The following FRYL variants were observed in gnomAD, a reference collection of about 807,000 sequenced individuals.
FRYL encodes protein furry homolog-like.
In FRYL, 150 loss-of-function variants were observed where a neutral mutation model predicts 351.2. The ratio of observed to expected loss-of-function variants is 0.43; its 90% CI spans 0.37 to 0.49. The LOEUF (loss-of-function observed/expected upper bound fraction) is 0.49, where lower values mean the gene tolerates loss of function less well. Among genes scored for constraint, FRYL ranks in the 20% least tolerant of loss-of-function variants. The probability of loss-of-function intolerance (pLI) is 0.00; values close to 1 mark genes in which losing one functional copy is unlikely to be tolerated. For synonymous variants in FRYL, 1,153 were observed against 1,257.1 expected, an observed-to-expected ratio of 0.92 and a Z score of 1.75; for missense variants, 3,036 against 3,619.3, an observed-to-expected ratio of 0.84 and a Z score of 4.13.
At chr4:48,649,900 T>C (rs1358488573) in intron 3 of FRYL, among the ~76,000 whole-genome samples, 1 of 152,208 alleles carries the variant, frequency 6.6e-6, no homozygotes, top group East Asian at 1.9e-4. Context: ...AGAAACACTA[T>C]TATAATTAAT....
intron 23 of FRYL, 109 bp downstream of exon 23, chr4:48,578,864 T>C: frequency 1.1e-6 from 1 of 890,440 alleles, no homozygotes; most frequent in African/African-American, 1.7e-5. Context: ...CAGTATCACA[T>C]ATTATTTATG....
chr4:48,634,416 TA>T lies in FRYL; in HGVS notation c.-7del. The T allele has an allele frequency of 6.2e-7, 1 of 1,612,692 alleles. No individual in the cohort carries two copies. Among genetic ancestry groups the T allele is most frequent in the Non-Finnish European group, 8.5e-7 (1 of 1,178,842 alleles). On this transcript the variant is annotated 5_prime_UTR_variant, in exon 4 of 64. Coordinates refer to ENST00000358350, the MANE Select transcript of FRYL (RefSeq NM_015030.2). ...TCAATCGTAATGTTTGACATGATGATATTTTTTTTTCCCCAAGTGGAATGAA... is the reference window on the plus strand; with the variant it reads ...TCAATCGTAATGTTTGACATGATGATTTTTTTTTTCCCCAAGTGGAATGAA...
intron 1 of FRYL, 86 bp downstream of exon 1, chr4:48,779,992 G>A (rs1455074372): frequency 6.6e-6 from 1 of 152,098 alleles, no homozygotes; most frequent in Non-Finnish European, 1.5e-5. Context: ...CGCCCAGGCT[G>A]GGCTGCCGGC....
intron 23 of FRYL, 36 bp from the exon 24 acceptor site, chr4:48,576,258 T>C (rs1578191797): frequency 8.6e-6 from 12 of 1,402,912 alleles, no homozygotes; most frequent in African/African-American, 3.0e-5. Context: ...CAGATATGAA[T>C]AACACAACAC....
At chr4:48,711,971 C>T (rs951033801) in intron 1 of FRYL, among the ~76,000 whole-genome samples, 1 of 152,184 alleles carries the variant, frequency 6.6e-6, no homozygotes, top group Non-Finnish European at 1.5e-5. Flanking sequence ...CTGGAGTGGA[C>T]CTTTAGCAAA....
chr4:48,707,257 C>T (rs1483688793), intron 2 of FRYL, among the ~76,000 whole-genome samples: 1 of 152,056 alleles, frequency 6.6e-6, no homozygotes, highest in Non-Finnish European at 1.5e-5. Flanking sequence ...AATTCTATTT[C>T]TGAGTATATA....
intron 2 of FRYL, among the ~76,000 whole-genome samples, chr4:48,703,178 T>C (rs1275161843): frequency 6.6e-6 from 1 of 152,174 alleles, no homozygotes; most frequent in Non-Finnish European, 1.5e-5. Context: ...ATGAACAGAC[T>C]GTTGACTCTA....
chr4:48,615,280 A>G (rs922280686), intron 7 of FRYL, among the ~76,000 whole-genome samples: 1 of 152,334 alleles, frequency 6.6e-6, no homozygotes, highest in African/African-American at 2.4e-5. Context: ...GTCACCTCCC[A>G]TGTGGACCTT....
intron 13 of FRYL, among the ~76,000 whole-genome samples, chr4:48,600,713 G>A (rs1162473930): frequency 3.3e-5 from 5 of 152,064 alleles, no homozygotes; most frequent in Admixed American, 6.6e-5. Context: ...TTTAATGAAC[G>A]TATGAAAAAT....
intron 1 of FRYL, among the ~76,000 whole-genome samples, chr4:48,752,225 A>G (rs1773323393): frequency 6.6e-6 from 1 of 152,212 alleles, no homozygotes; most frequent in South Asian, 2.1e-4. Flanking sequence ...TCTAGCTGTT[A>G]GCTTTATTTA....
intron 1 of FRYL, among the ~76,000 whole-genome samples, chr4:48,725,374 A>G (rs1769966559): frequency 6.6e-6 from 1 of 152,186 alleles, no homozygotes; most frequent in African/African-American, 2.4e-5. Flanking sequence ...AGAGAATACA[A>G]TCTCGTGTCA....
intron 3 of FRYL, chr4:48,638,330 C>T (rs536569366): frequency 1.3e-5 from 2 of 151,920 alleles, no homozygotes; most frequent in Admixed American, 6.6e-5. Flanking sequence ...TGATGATTAC[C>T]TACAAAAGAA....
chr4:48,550,882 G>A (rs973024944), intron 37 of FRYL, among the ~76,000 whole-genome samples, 178 bp from the exon 38 acceptor site: 1 of 152,084 alleles, frequency 6.6e-6, no homozygotes, highest in African/African-American at 2.4e-5. Context: ...GACCATCCTG[G>A]CCAACATGGT....
chr4:48,569,979 ATTGT>A (rs919769686), intron 27 of FRYL, among the ~76,000 whole-genome samples: 58 of 151,754 alleles, frequency 3.8e-4, no homozygotes, highest in South Asian at 2.1e-4. Flanking sequence ...TTCCTGGCTG[ATTGT>A]TTGCGTTTTT....
intron 3 of FRYL, among the ~76,000 whole-genome samples, chr4:48,660,939 G>A (rs537371358): frequency 9.2e-5 from 14 of 152,276 alleles, no homozygotes; most frequent in Non-Finnish European, 1.8e-4. Context: ...CAGTCTAGAG[G>A]AGCCTAAGGA....
Position 48,619,306 on chromosome 4 carries a change from A to T in FRYL, c.379T>A (p.Phe127Ile). Residue 127 changes from phenylalanine to isoleucine, a missense_variant, in exon 7 of 64, where the codon TTT becomes ATT. Phe to Ile is a conservative substitution (Grantham distance 21, BLOSUM62 0). Transcript: ENST00000358350. ...ERRDLAVDFIFCLVLVEVLKQ... is the reference protein window; with the variant it reads ...ERRDLAVDFIICLVLVEVLKQ... ...AGAACTTCAACTAAAACTAAACAAA[A>T]AATGAAGTCTACTGCTAAGTCCCTC... is the stretch of plus-strand genomic sequence containing the variant. The T allele has an allele frequency of 6.2e-7, 1 of 1,610,278 alleles. No individual in the cohort carries two copies. Among genetic ancestry groups the T allele is most frequent in the South Asian group, 1.1e-5 (1 of 89,980 alleles).
intron 1 of FRYL, among the ~76,000 whole-genome samples, chr4:48,769,800 T>C (rs912180040): frequency 6.6e-6 from 1 of 152,232 alleles, no homozygotes; most frequent in Non-Finnish European, 1.5e-5. Flanking sequence ...TAGGACTTTA[T>C]ACTAAGTGAA....
chr4:48,647,889 CCAA>C (rs913333248), intron 3 of FRYL, among the ~76,000 whole-genome samples: 2 of 152,110 alleles, frequency 1.3e-5, no homozygotes, highest in African/African-American at 2.4e-5. Context: ...TCCACTATGA[CCAA>C]CATTAACTCT....
At position 48,498,831 on chromosome 4, in the gene FRYL, C is replaced by T. The variant is rs962160072; in HGVS notation, c.*591G>A. ...ATATCCATACATCCCAACTCACACACACATAATTCCTTATACAGACCAAAA... is the reference window on the plus strand; with the variant it reads ...ATATCCATACATCCCAACTCACACATACATAATTCCTTATACAGACCAAAA... On this transcript the variant is annotated 3_prime_UTR_variant, in exon 64 of 64. Transcript: ENST00000358350. 1.3e-4 allele frequency: 20 copies of T among 153,366 alleles called. No homozygotes were observed. The allele number at this position is 153,366 out of a possible 1,614,324, so 9.5% of individuals were successfully genotyped here.
Sources: gnomAD v4.1 joint callset for allele counts (sites outside exome capture counted in the v4.1 genomes callset) on GRCh38, gnomAD v4.1.1 for gene constraint, MANE v1.5 for transcripts, NCBI Gene and HGNC (gene_info 2026-07-23, HGNC 2026-07-21) for gene names.